MITF: variants seen among roughly 807,000 people sequenced by gnomAD.
MITF encodes melanocyte inducing transcription factor.
Under a neutral mutation model 60.5 loss-of-function variants are expected in MITF, and 17 were observed. The ratio of observed to expected loss-of-function variants is 0.28; its 90% CI spans 0.19 to 0.42. The LOEUF (loss-of-function observed/expected upper bound fraction) is 0.42, where lower values mean the gene tolerates loss of function less well. MITF is among the 10% of genes least tolerant of loss of function. The pLI, the probability that MITF is intolerant of heterozygous loss-of-function variation, is 1.00. For missense variants in MITF, 622 were observed against 683.5 expected (o/e 0.91, Z 1.00); for synonymous variants, 260 against 248.5 (o/e 1.05, Z -0.43).
intron 1 of MITF, among the ~76,000 whole-genome samples, chr3:69,849,211 G>A (rs966271665): frequency 7.2e-5 from 11 of 151,976 alleles, no homozygotes; most frequent in African/African-American, 2.4e-4. Context: ...TGATCCGCCC[G>A]CCTCGGCCTC....
chr3:69,746,809 G>A (rs530131667), intron 1 of MITF, among the ~76,000 whole-genome samples: 55 of 152,298 alleles, frequency 3.6e-4, no homozygotes, highest in African/African-American at 1.3e-3. Flanking sequence ...AAACGAGGTC[G>A]AGAAGACCCA....
At position 69,924,870 on chromosome 3, in the gene MITF, C is replaced by T. The variant is rs527273175; in HGVS notation, c.355-12952C>T. Among the ~76,000 whole-genome samples, 6 of 152,304 alleles carry T rather than the reference C, an allele frequency of 3.9e-5. No individual in the cohort carries two copies. In the East Asian group the frequency reaches 9.7e-4, roughly 25 times the overall value. On this transcript the variant is annotated intron_variant, in intron 2 of 9. Transcript: ENST00000352241. ...TGGCCTGCAAGTGTCCCAGCTCTAA[C>T]GTTCATGTTTTTCCCCTTTTTCTCT...
chr3:69,868,258 A>G (rs2064153985), intron 1 of MITF, among the ~76,000 whole-genome samples: 1 of 152,180 alleles, frequency 6.6e-6, no homozygotes, highest in Non-Finnish European at 1.5e-5. Flanking sequence ...TGAAGAAGAT[A>G]TGTCTTTCCA....
chr3:69,881,842 T>C (rs1377678560), intron 2 of MITF, among the ~76,000 whole-genome samples: 5 of 152,118 alleles, frequency 3.3e-5, no homozygotes, highest in Non-Finnish European at 7.4e-5. Flanking sequence ...TTTCTCATAG[T>C]ATGGCCTGAG....
At chr3:69,828,900 G>A (rs115607368) in intron 1 of MITF, among the ~76,000 whole-genome samples, 1 of 151,804 alleles carries the variant, frequency 6.6e-6, no homozygotes, top group African/African-American at 2.4e-5. Flanking sequence ...ATCAGCTAGA[G>A]AACAAAAACA....
intron 5 of MITF, among the ~76,000 whole-genome samples, chr3:69,946,450 G>A (rs2066098536): frequency 6.6e-6 from 1 of 152,092 alleles, no homozygotes; most frequent in South Asian, 2.1e-4. Context: ...CCCACCCCCA[G>A]TTCTGCTGTT....
chr3:69,918,556 G>A (rs1279136976), intron 2 of MITF, among the ~76,000 whole-genome samples: 2 of 152,136 alleles, frequency 1.3e-5, no homozygotes, highest in East Asian at 1.9e-4. Flanking sequence ...AAGCCACGAT[G>A]CATCCTGCAT....
At chr3:69,915,408 A>C in intron 2 of MITF, among the ~76,000 whole-genome samples, 1 of 152,174 alleles carries the variant, frequency 6.6e-6, no homozygotes, top group Non-Finnish European at 1.5e-5. Context: ...GAATCATACC[A>C]CACAATTCTT....
chr3:69,810,224 A>G (rs2063078989), intron 1 of MITF, among the ~76,000 whole-genome samples: 1 of 152,222 alleles, frequency 6.6e-6, no homozygotes, highest in South Asian at 2.1e-4. Context: ...GATACTAAGA[A>G]TGACTGAGGC....
intron 1 of MITF, among the ~76,000 whole-genome samples, chr3:69,743,482 T>G (rs188957777): frequency 6.6e-6 from 1 of 152,228 alleles, no homozygotes; most frequent in Non-Finnish European, 1.5e-5. Context: ...AAGTCTTTCA[T>G]GAGGAAGGAC....
intron 2 of MITF, among the ~76,000 whole-genome samples, chr3:69,896,863 C>G (rs944537545): frequency 2.6e-5 from 4 of 152,170 alleles, no homozygotes; most frequent in African/African-American, 4.8e-5. Flanking sequence ...CTGTTGAACC[C>G]TTCAAACATT....
chr3:69,890,323 A>C (rs985779173), intron 2 of MITF, among the ~76,000 whole-genome samples: 1 of 152,188 alleles, frequency 6.6e-6, no homozygotes, highest in Non-Finnish European at 1.5e-5. Flanking sequence ...ACAGCCCTCA[A>C]CTTGTTAGCC....
chr3:69,810,283 A>G (rs1048101577), intron 1 of MITF, among the ~76,000 whole-genome samples: 3 of 152,180 alleles, frequency 2.0e-5, no homozygotes, highest in African/African-American at 7.2e-5. Flanking sequence ...TTGCCAATTC[A>G]TGTCTTTACA....
At chr3:69,953,662 T>TATATAGAG (rs1250294181) in intron 7 of MITF, among the ~76,000 whole-genome samples, 1 of 136,570 alleles carries the variant, frequency 7.3e-6, no homozygotes, top group African/African-American at 2.7e-5. Flanking sequence ...TATATATATA[T>TATATAGAG]AGAGAGAGAG....
intron 2 of MITF, among the ~76,000 whole-genome samples, chr3:69,915,153 T>G (rs1156449595): frequency 6.6e-6 from 1 of 152,154 alleles, no homozygotes; most frequent in African/African-American, 2.4e-5. Flanking sequence ...TTAAGCATAA[T>G]AAATCAATCA....
At chr3:69,763,446 C>T (rs11925133) in intron 1 of MITF, 9 of 907,624 alleles carry the variant, frequency 9.9e-6, no homozygotes, top group Non-Finnish European at 1.2e-5. Context: ...TCTAGCACCT[C>T]CCTCCTTCCT....
At chr3:69,836,936 C>T (rs2063549825) in intron 1 of MITF, among the ~76,000 whole-genome samples, 1 of 152,298 alleles carries the variant, frequency 6.6e-6, no homozygotes, top group East Asian at 1.9e-4. Flanking sequence ...TGTTGTAGAA[C>T]TGATCCAATG....
chr3:69,936,523 C>A (rs964776718), intron 2 of MITF: 120 of 1,273,216 alleles, frequency 9.4e-5, no homozygotes, highest in Non-Finnish European at 1.2e-4. Flanking sequence ...CTTATGTGAA[C>A]GTTTTTTTTT....
intron 1 of MITF, among the ~76,000 whole-genome samples, chr3:69,832,200 G>A (rs1265061855): frequency 1.3e-5 from 2 of 152,180 alleles, no homozygotes; most frequent in African/African-American, 4.8e-5. Flanking sequence ...TTAGGAGGTT[G>A]TAGACAGATG....
Sources: gnomAD v4.1 joint callset for allele counts (sites outside exome capture counted in the v4.1 genomes callset) on GRCh38, gnomAD v4.1.1 for gene constraint, MANE v1.5 for transcripts, NCBI Gene and HGNC (gene_info 2026-07-23, HGNC 2026-07-21) for gene names.